The following CACNB2 variants were observed in gnomAD, a reference collection of about 807,000 sequenced individuals.
CACNB2 encodes the protein voltage-dependent L-type calcium channel subunit beta-2.
In CACNB2, 42 loss-of-function variants were observed where a neutral mutation model predicts 73.3. That is an observed-to-expected ratio of 0.57 (90% CI 0.45 to 0.74). CACNB2 has a LOEUF of 0.74. Ranked by LOEUF, CACNB2 falls within the 30% of genes least tolerant of loss-of-function variation. The pLI, the probability that CACNB2 is intolerant of heterozygous loss-of-function variation, is 0.00. For missense variants in CACNB2, 940 were observed against 853.0 expected (o/e 1.10, Z -1.27); for synonymous variants, 348 against 310.3 (o/e 1.12, Z -1.28).
At chr10:18,515,112 C>A in intron 7 of CACNB2, 1 of 1,240,692 alleles carries the variant, frequency 8.1e-7, no homozygotes, top group Non-Finnish European at 1.2e-6. Context: ...TCAGATTTTA[C>A]CATCTCACCC....
rs77597037 is a variant in CACNB2 at position 18,440,641 on chromosome 10, C to A, written c.333+38598C>A. Among the ~76,000 whole-genome samples, 472 of 150,992 alleles carry A rather than the reference C, an allele frequency of 3.1e-3. 1 individual carries two copies. Among genetic ancestry groups the A allele is most frequent in the African/African-American group, 0.011 (440 of 41,092 alleles). ...GGGTGACAGAGCAAGGCCCTATCCC[C>A]CACCCCCCAGAGAAAAGCTTCTGTG... On this transcript the variant is annotated intron_variant, in intron 3 of 13. Coordinates refer to ENST00000324631, the MANE Select transcript of CACNB2 (RefSeq NM_201596.3).
intron 2 of CACNB2, among the ~76,000 whole-genome samples, chr10:18,166,620 C>T (rs2032870044): frequency 6.6e-6 from 1 of 152,180 alleles, no homozygotes. Flanking sequence ...TACTTGACCA[C>T]CAGTTCTATT....
chr10:18,194,750 T>G (rs2034553605), intron 2 of CACNB2, among the ~76,000 whole-genome samples: 1 of 152,238 alleles, frequency 6.6e-6, no homozygotes, highest in Non-Finnish European at 1.5e-5. Context: ...CAACCTTATC[T>G]TTGCAGGCCT....
intron 2 of CACNB2, among the ~76,000 whole-genome samples, chr10:18,171,918 A>G (rs1214575968): frequency 2.0e-5 from 3 of 152,080 alleles, no homozygotes; most frequent in Non-Finnish European, 4.4e-5. Flanking sequence ...TGCAGAGCAA[A>G]AGCTGACATT....
intron 2 of CACNB2, among the ~76,000 whole-genome samples, chr10:18,387,994 C>T (rs139478245): frequency 6.6e-6 from 1 of 152,230 alleles, no homozygotes; most frequent in East Asian, 1.9e-4. Context: ...CGAGCTCAAG[C>T]AATCCTCCTG....
intron 2 of CACNB2, among the ~76,000 whole-genome samples, chr10:18,306,280 G>C (rs2039724770): frequency 6.6e-6 from 1 of 152,184 alleles, no homozygotes; most frequent in Admixed American, 6.5e-5. Flanking sequence ...GGAGAAGTGA[G>C]TTGAGGGAAC....
chr10:18,304,598 C>T (rs959420507), intron 2 of CACNB2, among the ~76,000 whole-genome samples: 3 of 152,028 alleles, frequency 2.0e-5, no homozygotes, highest in Non-Finnish European at 2.9e-5. Context: ...AACCAGGCTT[C>T]GTGGGCTAGG....
intron 3 of CACNB2, among the ~76,000 whole-genome samples, chr10:18,435,222 C>T (rs1279109982): frequency 6.6e-6 from 1 of 152,144 alleles, no homozygotes; most frequent in African/African-American, 2.4e-5. Context: ...AAATATCATC[C>T]GTAGGAATTC....
At position 18,539,577 on chromosome 10, in the gene CACNB2, G is replaced by C. The variant is rs1230018180; in HGVS notation, c.1836G>C (p.Val612=). 1.2e-6 allele frequency: 2 copies of C among 1,613,742 alleles called. No individual in the cohort carries two copies. Among genetic ancestry groups the C allele is most frequent in the East Asian group, 2.2e-5 (1 of 44,808 alleles). ...HRESRHRSRD[V]DREQDHNECN... is the part of the protein sequence containing the mutation. ...AGTCCCGGCACCGTTCCCGGGACGT[G>C]GATCGAGAGCAGGACCACAACGAGT... The change falls in exon 14 of 14, where the codon GTG becomes GTC. Residue 612 remains valine (V), a synonymous_variant. Transcript: ENST00000324631.
chr10:18,238,067 G>C (rs2036516826), intron 2 of CACNB2, among the ~76,000 whole-genome samples: 1 of 152,124 alleles, frequency 6.6e-6, no homozygotes. Flanking sequence ...ATGGAAGGTT[G>C]GGCCAGATGT....
At chr10:18,227,290 G>T (rs528724683) in intron 2 of CACNB2, among the ~76,000 whole-genome samples, 4 of 152,024 alleles carry the variant, frequency 2.6e-5, no homozygotes, top group African/African-American at 7.2e-5. Context: ...ATCCAGAAGC[G>T]CAGATTTGGG....
At chr10:18,506,580 C>T (rs953880804) in intron 6 of CACNB2, 33 bp downstream of exon 6, 1 of 1,296,212 alleles carries the variant, frequency 7.7e-7, no homozygotes, top group Middle Eastern at 1.8e-4. Context: ...ATAATACATA[C>T]TGCATTTCAT....
chr10:18,366,663 G>C (rs2132258659), intron 2 of CACNB2, among the ~76,000 whole-genome samples: 1 of 152,080 alleles, frequency 6.6e-6, no homozygotes, highest in African/African-American at 2.4e-5. Flanking sequence ...GGCCAACATG[G>C]TGAAACCCCG....
intron 2 of CACNB2, among the ~76,000 whole-genome samples, chr10:18,197,075 A>T (rs746590936): frequency 1.3e-5 from 2 of 151,100 alleles, no homozygotes; most frequent in Non-Finnish European, 2.9e-5. Context: ...AGGGAACCTC[A>T]TTATGCCTCT....
chr10:18,213,265 C>G (rs200000312), intron 2 of CACNB2, among the ~76,000 whole-genome samples: 1 of 152,156 alleles, frequency 6.6e-6, no homozygotes, highest in African/African-American at 2.4e-5. Context: ...GAAAGCAAGT[C>G]TTTAACCTCT....
intron 2 of CACNB2, among the ~76,000 whole-genome samples, chr10:18,220,112 TATATATATATATATATATATA>T (rs1265117996): frequency 2.8e-5 from 1 of 36,246 alleles, no homozygotes; most frequent in African/African-American, 8.4e-5. Flanking sequence ...TATTTTTTAA[TATATATATATATATATATATA>T]TATATATATA....
At chr10:18,495,344 T>G (rs1277049467) in intron 3 of CACNB2, among the ~76,000 whole-genome samples, 1 of 151,662 alleles carries the variant, frequency 6.6e-6, no homozygotes, top group African/African-American at 2.4e-5. Flanking sequence ...CTCAGCCTCC[T>G]GAGTAGCTGG....
At chr10:18,434,427 A>G in intron 3 of CACNB2, among the ~76,000 whole-genome samples, 1 of 152,210 alleles carries the variant, frequency 6.6e-6, no homozygotes, top group Non-Finnish European at 1.5e-5. Flanking sequence ...AAGTTTCCAG[A>G]ATTACTAAAA....
intron 2 of CACNB2, chr10:18,224,456 CCG>C (rs1410585441): frequency 5.9e-5 from 9 of 152,018 alleles, no homozygotes; most frequent in Non-Finnish European, 1.3e-4. Flanking sequence ...AGAAAATTAC[CCG>C]GCTCCTTAAA....
Sources: allele counts gnomAD v4.1 joint callset (sites outside exome capture counted in the v4.1 genomes callset), GRCh38; gene constraint gnomAD v4.1.1; transcripts MANE v1.5; gene names NCBI Gene and HGNC (gene_info 2026-07-23, HGNC 2026-07-21).